The following SLC10A7 variants were observed in gnomAD, a reference collection of about 807,000 sequenced individuals.
SLC10A7 encodes sodium/bile acid cotransporter 7.
A neutral mutation model predicts 43.2 loss-of-function variants in SLC10A7; 29 were observed. The ratio of observed to expected loss-of-function variants is 0.67; its 90% confidence interval spans 0.50 to 0.92. SLC10A7 has a LOEUF of 0.92. SLC10A7 is among the 40% of genes least tolerant of loss of function. SLC10A7 has a pLI of 0.00. For synonymous variants in SLC10A7, 152 were observed against 144.8 expected (o/e 1.05, Z -0.35); for missense variants, 295 against 403.2 (o/e 0.73, Z 2.30).
intron 4 of SLC10A7, among the ~76,000 whole-genome samples, chr4:146,471,985 C>A (rs997411093): frequency 1.3e-5 from 2 of 152,086 alleles, no homozygotes; most frequent in African/African-American, 4.8e-5. Context: ...CATACCCCCC[C>A]ACTCCCAAAA....
intron 5 of SLC10A7, among the ~76,000 whole-genome samples, chr4:146,367,254 A>G (rs1336689718): frequency 6.6e-6 from 1 of 152,086 alleles, no homozygotes; most frequent in African/African-American, 2.4e-5. Context: ...GAAACAAAAA[A>G]ATCTCTGTTG....
At chr4:146,430,121 A>AG (rs1377743832) in intron 5 of SLC10A7, among the ~76,000 whole-genome samples, 1 of 150,948 alleles carries the variant, frequency 6.6e-6, no homozygotes, top group African/African-American at 2.5e-5. Context: ...GAGCCATAAA[A>AG]GAAAAAAAAA....
Position 146,366,989 on chromosome 4 carries a change from C to T in SLC10A7, c.436-40993G>A, listed in dbSNP as rs567480189. ...TTTTTTCTTCTGCCCAAGCAATAAG[C>T]AAGTTTTTTGTTTTTTTGTTTTTTT... is the stretch of plus-strand genomic sequence containing the variant. On this transcript the variant is annotated intron_variant, in intron 5 of 11. Transcript: ENST00000335472. Among the ~76,000 whole-genome samples the T allele has an allele frequency of 3.3e-5, 5 of 151,826 alleles. No homozygotes were observed. The South Asian group carries it at 1.0e-3, about 32-fold the overall frequency.
intron 5 of SLC10A7, among the ~76,000 whole-genome samples, chr4:146,326,798 T>G (rs1219442158): frequency 6.6e-6 from 1 of 152,210 alleles, no homozygotes; most frequent in Non-Finnish European, 1.5e-5. Flanking sequence ...CTCTCAACAT[T>G]TCATTATGAT....
At chr4:146,506,270 A>T (rs1736884806) in intron 3 of SLC10A7, among the ~76,000 whole-genome samples, 1 of 152,138 alleles carries the variant, frequency 6.6e-6, no homozygotes, top group South Asian at 2.1e-4. Flanking sequence ...AAAAAAAAAA[A>T]TTTGCCAACT....
At chr4:146,307,155 T>C (rs1207479529) in intron 6 of SLC10A7, among the ~76,000 whole-genome samples, 1 of 152,088 alleles carries the variant, frequency 6.6e-6, no homozygotes. Context: ...CTCCGACACA[T>C]TGTATAAAAT....
chr4:146,508,969 T>C (rs1030474893), intron 3 of SLC10A7, among the ~76,000 whole-genome samples: 1 of 152,210 alleles, frequency 6.6e-6, no homozygotes, highest in East Asian at 1.9e-4. Flanking sequence ...CTGGCCTTCC[T>C]GGCTGCTTTA....
chr4:146,518,653 T>C (rs950611452), intron 1 of SLC10A7, among the ~76,000 whole-genome samples: 1 of 152,224 alleles, frequency 6.6e-6, no homozygotes. Context: ...GAGGTCTTAT[T>C]GGATTAGGAG....
intron 5 of SLC10A7, among the ~76,000 whole-genome samples, chr4:146,361,507 AG>A (rs754396198): frequency 1.3e-5 from 2 of 152,168 alleles, no homozygotes; most frequent in African/African-American, 4.8e-5. Flanking sequence ...CAACAGTTGC[AG>A]TATTGCTGGG....
At chr4:146,292,402 AGAAGTAGGATCGG>A (rs1730501343) in intron 9 of SLC10A7, among the ~76,000 whole-genome samples, 3 of 152,148 alleles carry the variant, frequency 2.0e-5, no homozygotes, top group Admixed American at 1.3e-4. Flanking sequence ...AAAATATTAC[AGAAGTAGGATCGG>A]GAAATTGAAA....
intron 10 of SLC10A7, among the ~76,000 whole-genome samples, chr4:146,276,233 G>T (rs1729197257): frequency 6.6e-6 from 1 of 152,150 alleles, no homozygotes; most frequent in Non-Finnish European, 1.5e-5. Context: ...TAAGGTCTCT[G>T]GTTGATAGAG....
intron 7 of SLC10A7, among the ~76,000 whole-genome samples, chr4:146,294,548 T>G (rs1730652079): frequency 6.6e-6 from 1 of 152,306 alleles, no homozygotes; most frequent in East Asian, 1.9e-4. Flanking sequence ...AAGTGATCCA[T>G]GGAACATATT....
chr4:146,519,085 AT>A (rs1560991444), intron 1 of SLC10A7, among the ~76,000 whole-genome samples: 6 of 73,658 alleles, frequency 8.1e-5, no homozygotes, highest in South Asian at 3.7e-4. Flanking sequence ...ATATATATAT[AT>A]ATATATATAT....
chr4:146,446,067 G>A (rs945167043), intron 4 of SLC10A7, among the ~76,000 whole-genome samples: 3 of 152,006 alleles, frequency 2.0e-5, no homozygotes, highest in African/African-American at 4.8e-5. Flanking sequence ...CAGGCTTGAG[G>A]GTGGAGCTCT....
intron 5 of SLC10A7, among the ~76,000 whole-genome samples, chr4:146,366,764 T>C (rs1380239047): frequency 6.6e-6 from 1 of 152,220 alleles, no homozygotes; most frequent in Non-Finnish European, 1.5e-5. Flanking sequence ...AACAGCTTTA[T>C]TGAACTTAAA....
chr4:146,300,966 A>T (rs191827518), intron 7 of SLC10A7, among the ~76,000 whole-genome samples: 2 of 152,132 alleles, frequency 1.3e-5, no homozygotes, highest in Admixed American at 1.3e-4. Context: ...TACATCTTAC[A>T]CCCTACTCTT....
intron 5 of SLC10A7, among the ~76,000 whole-genome samples, chr4:146,380,360 A>C (rs2149790658): frequency 6.6e-6 from 1 of 152,282 alleles, no homozygotes; most frequent in East Asian, 1.9e-4. Flanking sequence ...ATATTATATT[A>C]ATTGTACTTG....
At chr4:146,418,417 T>C (rs1271381770) in intron 5 of SLC10A7, among the ~76,000 whole-genome samples, 1 of 152,158 alleles carries the variant, frequency 6.6e-6, no homozygotes, top group African/African-American at 2.4e-5. Context: ...CATGAATACA[T>C]ATAATCCAAA....
chr4:146,431,154 A>T (rs1169082232), intron 5 of SLC10A7, among the ~76,000 whole-genome samples: 8 of 152,134 alleles, frequency 5.3e-5, no homozygotes, highest in Non-Finnish European at 5.9e-5. Flanking sequence ...TAATTGCGTT[A>T]ATGTCATGTG....
Sources: gnomAD v4.1 joint callset for allele counts (sites outside exome capture counted in the v4.1 genomes callset) on GRCh38, gnomAD v4.1.1 for gene constraint, MANE v1.5 for transcripts, NCBI Gene and HGNC (gene_info 2026-07-23, HGNC 2026-07-21) for gene names.